LRRC2: variants seen among roughly 807,000 people sequenced by gnomAD.
LRRC2 encodes leucine-rich repeat-containing protein 2.
A neutral mutation model predicts 40.2 loss-of-function variants in LRRC2; 27 were observed. The observed-to-expected ratio is 0.67, with a 90% CI of 0.49 to 0.93. LRRC2 has a LOEUF of 0.93. Ranked by LOEUF, LRRC2 falls within the 40% of genes least tolerant of loss-of-function variation. The pLI is 0.00. For missense variants in LRRC2, 402 were observed against 439.6 expected, an observed-to-expected ratio of 0.91 and a Z score of 0.76; for synonymous variants, 147 against 158.9, an observed-to-expected ratio of 0.92 and a Z score of 0.56.
chr3:46,519,692 C>G (rs1156925459), intron 8 of LRRC2, among the ~76,000 whole-genome samples: 1 of 152,248 alleles, frequency 6.6e-6, no homozygotes, highest in African/African-American at 2.4e-5. Context: ...AGTAAAAACT[C>G]TCATTCCTAT....
chr3:46,527,604 ATAGCACTGGACT>A (rs1193503543), intron 6 of LRRC2, 23 bp from the exon 7 acceptor site: 3 of 1,608,544 alleles, frequency 1.9e-6, no homozygotes, highest in Non-Finnish European at 2.6e-6. Context: ...AAAAACAATC[ATAGCACTGGACT>A]TAGCATCATA....
chr3:46,527,389 G>A (rs1704078339), intron 7 of LRRC2, 37 bp downstream of exon 7: 2 of 1,611,434 alleles, frequency 1.2e-6, no homozygotes, highest in East Asian at 4.5e-5. Context: ...CCTTACCTGT[G>A]TCTGAGTGTG....
chr3:46,543,560 G>A (rs968604626), intron 3 of LRRC2, among the ~76,000 whole-genome samples: 3 of 151,678 alleles, frequency 2.0e-5, no homozygotes, highest in African/African-American at 4.8e-5. Context: ...AGCTTGCAGC[G>A]AGCTGAGATC....
At chr3:46,551,868 A>G (rs1704664242) in intron 1 of LRRC2, among the ~76,000 whole-genome samples, 2 of 149,644 alleles carry the variant, frequency 1.3e-5, no homozygotes, top group South Asian at 4.2e-4. Context: ...GCACGATCAT[A>G]GCTCCAACTG....
At chr3:46,533,736 TCC>T (rs776797754) in intron 4 of LRRC2, among the ~76,000 whole-genome samples, 18,787 of 135,476 alleles carry the variant, frequency 0.14, 1,272 homozygotes, top group South Asian at 0.17. Context: ...CTTCCTTCCT[TCC>T]TTCCTTCCTT....
intron 1 of LRRC2, among the ~76,000 whole-genome samples, chr3:46,556,560 T>A (rs1388024633): frequency 4.0e-5 from 6 of 151,138 alleles, no homozygotes; most frequent in Non-Finnish European, 8.8e-5. Context: ...ATTTGGGGAT[T>A]TTTCAGTCAT....
In LRRC2 at chr3:46,521,622, G is replaced by T. The variant is rs1406797025; in HGVS notation, c.966C>A (p.Ala322=). The change falls in exon 8 of 9, where the codon GCC becomes GCA. Residue 322 remains alanine (A), a synonymous_variant. Coordinates refer to ENST00000395905, the MANE Select transcript of LRRC2 (RefSeq NM_024512.5). ...VSLMDNPIDN[A]QCEDGNEIME... ...TTATTTCATTGCCATCTTCACATTGGGCATTATCAATAGGATTGTCCATAA... is the reference window on the plus strand; with the variant it reads ...TTATTTCATTGCCATCTTCACATTGTGCATTATCAATAGGATTGTCCATAA... The T allele has an allele frequency of 1.9e-6, 3 of 1,612,416 alleles. No individual in the cohort carries two copies. The highest frequency in any genetic ancestry group is 8.5e-7 in the Non-Finnish European group (1 of 1,179,476).
chr3:46,535,551 C>G (rs1396181826), intron 4 of LRRC2, among the ~76,000 whole-genome samples: 1 of 152,102 alleles, frequency 6.6e-6, no homozygotes, highest in Non-Finnish European at 1.5e-5. Flanking sequence ...TTTTAAAGAT[C>G]ATTCTGACCC....
chr3:46,555,754 G>T (rs1414358522), intron 1 of LRRC2, among the ~76,000 whole-genome samples: 2 of 151,996 alleles, frequency 1.3e-5, no homozygotes, highest in East Asian at 3.8e-4. Context: ...GGAGAAAACT[G>T]GTCCATTATA....
chr3:46,558,886 A>G (rs902772835), intron 1 of LRRC2: 1 of 152,226 alleles, frequency 6.6e-6, no homozygotes, highest in Admixed American at 6.5e-5. Context: ...AACAAAGTTG[A>G]ACTCGTAGAA....
At chr3:46,554,164 C>A (rs1704733907) in intron 1 of LRRC2, among the ~76,000 whole-genome samples, 1 of 152,110 alleles carries the variant, frequency 6.6e-6, no homozygotes, top group Non-Finnish European at 1.5e-5. Flanking sequence ...GGACTACAGA[C>A]ATGCGCCACT....
intron 7 of LRRC2, among the ~76,000 whole-genome samples, chr3:46,523,873 G>A (rs151295863): frequency 6.9e-4 from 105 of 152,120 alleles, no homozygotes; most frequent in Non-Finnish European, 1.4e-3. Flanking sequence ...CTAACCACAC[G>A]TCGGACATCT....
intron 8 of LRRC2, 70 bp downstream of exon 8, chr3:46,521,452 T>G: frequency 4.0e-6 from 5 of 1,258,374 alleles, no homozygotes; most frequent in Non-Finnish European, 5.4e-6. Flanking sequence ...TTGACTTCTA[T>G]TAACAAATGT....
intron 2 of LRRC2, among the ~76,000 whole-genome samples, chr3:46,548,549 CA>C (rs34248798): frequency 0.081 from 12,253 of 151,772 alleles, 573 homozygotes; most frequent in South Asian, 0.17. Context: ...AATAAACATA[CA>C]AAAAAAATGC....
At chr3:46,537,812 G>T (rs1271578924) in intron 4 of LRRC2, among the ~76,000 whole-genome samples, 3 of 152,194 alleles carry the variant, frequency 2.0e-5, no homozygotes, top group Admixed American at 6.5e-5. Context: ...AAGACACGAG[G>T]CTCCTGGTCC....
At chr3:46,519,664 C>T (rs1363084049) in intron 8 of LRRC2, among the ~76,000 whole-genome samples, 1 of 152,210 alleles carries the variant, frequency 6.6e-6, no homozygotes, top group African/African-American at 2.4e-5. Context: ...TTTCTCAGGC[C>T]CTGCCCCAGG....
At chr3:46,552,399 C>T (rs1704678126) in intron 1 of LRRC2, among the ~76,000 whole-genome samples, 1 of 150,726 alleles carries the variant, frequency 6.6e-6, no homozygotes, top group South Asian at 2.1e-4. Context: ...AAAAAAAGCT[C>T]ACATAGGCGG....
At position 46,518,843 on chromosome 3, in the gene LRRC2, A is replaced by T. The variant is rs555763866; in HGVS notation, c.*171T>A. ...AATTTTTCAATTCTCCAGTCCATGG[A>T]GGGAGATACTCATGTATTTGACATT... On this transcript the variant is annotated 3_prime_UTR_variant, in exon 9 of 9. Transcript: ENST00000395905. 1.4e-5 allele frequency: 8 copies of T among 566,442 alleles called. No individual in the cohort carries two copies. The highest frequency in any genetic ancestry group is 8.2e-5 in the South Asian group (3 of 36,504). The allele number at this position is 566,442 out of a possible 1,614,324, so 35.1% of individuals were successfully genotyped here.
chr3:46,519,783 C>A (rs1464039910), intron 8 of LRRC2, among the ~76,000 whole-genome samples: 1 of 152,162 alleles, frequency 6.6e-6, no homozygotes, highest in African/African-American at 2.4e-5. Flanking sequence ...CCCTTGTGGG[C>A]AGATTAAATC....
Sources: gnomAD v4.1 joint callset for allele counts (sites outside exome capture counted in the v4.1 genomes callset) on GRCh38, gnomAD v4.1.1 for gene constraint, MANE v1.5 for transcripts, NCBI Gene and HGNC (gene_info 2026-07-23, HGNC 2026-07-21) for gene names.